Variants in ECD observed in about 807,000 individuals in gnomAD.
The protein encoded by ECD is ecdysoneless cell cycle regulator.
Under a neutral mutation model 77.2 loss-of-function variants are expected in ECD, and 59 were observed. The ratio of observed to expected loss-of-function variants is 0.76; its 90% CI spans 0.62 to 0.95. The LOEUF (loss-of-function observed/expected upper bound fraction) is 0.95. Ranked by LOEUF, ECD falls within the 40% of genes least tolerant of loss-of-function variation. ECD has a pLI of 0.00. For missense variants in ECD, 704 were observed against 763.4 expected, an observed-to-expected ratio of 0.92 and a Z score of 0.92; for synonymous variants, 233 against 267.4, an observed-to-expected ratio of 0.87 and a Z score of 1.26.
intron 6 of ECD, among the ~76,000 whole-genome samples, chr10:73,153,725 C>CAAA (rs201711578): frequency 2.2e-4 from 9 of 41,304 alleles, no homozygotes; most frequent in Admixed American, 6.2e-4. Flanking sequence ...GACTCTGTCT[C>CAAA]AAAAAAAAAA....
At chr10:73,156,722 C>A (rs1843301665) in intron 3 of ECD, 67 bp from the exon 4 acceptor site, 11 of 1,383,682 alleles carry the variant, frequency 7.9e-6, no homozygotes, top group Admixed American at 5.1e-5. Context: ...AAAACAGTTT[C>A]ATTCTAATAC....
intron 2 of ECD, among the ~76,000 whole-genome samples, 169 bp downstream of exon 2, chr10:73,163,563 TA>T (rs899286339): frequency 6.6e-6 from 1 of 151,890 alleles, no homozygotes; most frequent in African/African-American, 2.4e-5. Flanking sequence ...TGATTTTTTT[TA>T]AAAAAAAGCT....
At chr10:73,151,491 C>G (rs180863909) in intron 7 of ECD, among the ~76,000 whole-genome samples, 1 of 150,048 alleles carries the variant, frequency 6.7e-6, no homozygotes, top group African/African-American at 2.5e-5. Context: ...CAAACCTGCA[C>G]GTTGTGCACA....
At chr10:73,142,008 T>C (rs867769111) in intron 9 of ECD, among the ~76,000 whole-genome samples, 13 of 152,168 alleles carry the variant, frequency 8.5e-5, no homozygotes, top group South Asian at 6.2e-4. Flanking sequence ...TAGGCTAGAG[T>C]GCGTGGCATG....
At chr10:73,138,549 C>T (rs936106436) in intron 11 of ECD, among the ~76,000 whole-genome samples, 1 of 151,928 alleles carries the variant, frequency 6.6e-6, no homozygotes, top group African/African-American at 2.4e-5. Context: ...ATATTTGATA[C>T]ACAAGTAACA....
Position 73,134,469 on chromosome 10 carries a change from T to A in ECD, c.*114A>T. On this transcript the variant is annotated 3_prime_UTR_variant, in exon 14 of 14. Transcript: ENST00000372979. ...TTTGGGGCTCATGGAGAAGTCAATC[T>A]GTAAAACTTGTAATGAAGAAACATT... 1 of 1,038,022 alleles carries A rather than the reference T, an allele frequency of 9.6e-7. No homozygotes were observed. The allele number at this position is 1,038,022 out of a possible 1,614,324, so 64.3% of individuals were successfully genotyped here.
At chr10:73,139,520 T>A (rs1328551101) in intron 10 of ECD, 25 bp from the exon 11 acceptor site, 1 of 1,608,898 alleles carries the variant, frequency 6.2e-7, no homozygotes, top group Admixed American at 1.7e-5. Flanking sequence ...AGCATAATAC[T>A]GCCATTCTAC....
intron 1 of ECD, among the ~76,000 whole-genome samples, chr10:73,165,731 T>C (rs1445277588): frequency 1.3e-5 from 2 of 152,090 alleles, no homozygotes; most frequent in Non-Finnish European, 2.9e-5. Context: ...GTAAATGAGA[T>C]ATCCATTGCC....
At chr10:73,153,529 G>A (rs1213610878) in intron 6 of ECD, among the ~76,000 whole-genome samples, 3 of 151,564 alleles carry the variant, frequency 2.0e-5, no homozygotes, top group Non-Finnish European at 4.4e-5. Context: ...TTGAGGTCAG[G>A]AGTTCGAGAC....
In ECD at chr10:73,139,445, C is replaced by T. The variant is rs1436719999; in HGVS notation, c.1285G>A (p.Glu429Lys). The T allele has an allele frequency of 3.7e-6, 6 of 1,614,140 alleles. No individual in the cohort carries two copies. Among genetic ancestry groups the T allele is most frequent in the Non-Finnish European group, 4.2e-6 (5 of 1,180,036 alleles). ...TCGGATTCTTTTTTGCCAACAGCTT[C>T]CTGCAGCAGCTGGTCCAGCTGATCT... The part of the protein sequence containing the change: ...SPDQLDQLLQ[E>K]AVGKKESESV... The change falls in exon 11 of 14, where the codon GAA (glutamate) becomes AAA (lysine). Residue 429 changes from glutamate (E) to lysine (K), a missense_variant. Around this residue, in one of 3 missense-constraint regions of ECD, gnomAD observed 559 missense variants for 583.7 expected, o/e 0.96. Transcript: ENST00000372979.
chr10:73,141,507 G>T lies in ECD; in HGVS notation c.1128-1770C>A, dbSNP rs12569788. 0.071 allele frequency: 10,718 copies of T among 151,390 alleles called. 633 individuals carry two copies. The highest frequency in any genetic ancestry group is 0.31 in the East Asian group (1,563 of 5,058). 9.4% of individuals were successfully genotyped at this position (151,390 alleles called of 1,614,324 possible). On this transcript the variant is annotated intron_variant, in intron 9 of 13. Coordinates refer to ENST00000372979, the MANE Select transcript of ECD (RefSeq NM_007265.3). ...CAACCTGGGCACAGAGCAAGACTCC[G>T]TCTCAAAAAAAAAAGAGACTCCATA...
chr10:73,154,566 C>A, intron 5 of ECD, 118 bp from the exon 6 acceptor site: 9 of 940,480 alleles, frequency 9.6e-6, no homozygotes, highest in East Asian at 2.8e-5. Context: ...TAGAGAGTGA[C>A]AAGAGAGATG....
At chr10:73,158,428 A>T (rs1178285576) in intron 3 of ECD, among the ~76,000 whole-genome samples, 9 of 151,792 alleles carry the variant, frequency 5.9e-5, no homozygotes, top group Admixed American at 3.9e-4. Context: ...AATATATAAA[A>T]TTTTTATTTA....
intron 2 of ECD, among the ~76,000 whole-genome samples, chr10:73,162,227 CTGT>C (rs1843389286): frequency 6.6e-6 from 1 of 152,114 alleles, no homozygotes; most frequent in South Asian, 2.1e-4. Context: ...AGTTAGGAGG[CTGT>C]TGTTGTTTTC....
intron 2 of ECD, 133 bp downstream of exon 2, chr10:73,163,600 T>A (rs1047722415): frequency 1.3e-6 from 1 of 766,558 alleles, no homozygotes. Context: ...TATAGACAAG[T>A]ATTACTCATC....
At chr10:73,152,147 T>G (rs1464443698) in intron 7 of ECD, 146 bp downstream of exon 7, 4 of 1,045,634 alleles carry the variant, frequency 3.8e-6, no homozygotes, top group East Asian at 2.8e-5. Context: ...AGTAATCCAT[T>G]TTTTTCATTC....
At chr10:73,161,394 A>G (rs1843379189) in intron 2 of ECD, among the ~76,000 whole-genome samples, 1 of 152,214 alleles carries the variant, frequency 6.6e-6, no homozygotes, top group South Asian at 2.1e-4. Flanking sequence ...CTTATGTCAT[A>G]GAAATAAGAA....
intron 3 of ECD, among the ~76,000 whole-genome samples, chr10:73,158,213 G>A (rs1385962692): frequency 2.6e-5 from 4 of 151,770 alleles, no homozygotes; most frequent in African/African-American, 7.3e-5. Context: ...CTTCCGCTTC[G>A]ACTTCCCAAA....
chr10:73,151,077 G>A (rs7905509), intron 7 of ECD, among the ~76,000 whole-genome samples: 23,882 of 151,920 alleles, frequency 0.16, 3,121 homozygotes, highest in African/African-American at 0.34. Context: ...ACATGCACAC[G>A]TATGTTCACT....
Sources: gnomAD v4.1 joint callset for allele counts (sites outside exome capture counted in the v4.1 genomes callset) on GRCh38, gnomAD v4.1.1 for gene constraint, gnomAD v4.1.1 regional missense constraint, MANE v1.5 for transcripts, NCBI Gene and HGNC (gene_info 2026-07-23, HGNC 2026-07-21) for gene names.